Variants in CHN2 observed in about 807,000 individuals in gnomAD.
The protein encoded by CHN2 is chimerin 2.
CHN2 carries 35 observed loss-of-function variants against 56.3 expected under a neutral mutation model. The observed-to-expected ratio is 0.62, with a 90% CI of 0.47 to 0.82. CHN2 has a LOEUF of 0.82. Ranked by LOEUF, CHN2 falls within the 40% of genes least tolerant of loss-of-function variation. The probability of loss-of-function intolerance (pLI) is 0.00; values close to 1 mark genes in which losing one functional copy is unlikely to be tolerated. For missense variants in CHN2, 491 were observed against 580.5 expected (o/e 0.85, Z 1.58); for synonymous variants, 210 against 212.8 (o/e 0.99, Z 0.12).
intron 2 of CHN2, among the ~76,000 whole-genome samples, chr7:29,188,990 G>A (rs887447760): frequency 5.1e-5 from 7 of 137,022 alleles, no homozygotes; most frequent in African/African-American, 1.1e-4. Context: ...TTGCTCTGTC[G>A]CCCAAGCTGG....
At chr7:29,385,056 G>C (rs867863109) in intron 3 of CHN2, among the ~76,000 whole-genome samples, 10 of 152,116 alleles carry the variant, frequency 6.6e-5, no homozygotes, top group African/African-American at 2.4e-4. Flanking sequence ...GAGGGAGGAG[G>C]TTCCCTTATT....
chr7:29,484,009 AT>A, intron 7 of CHN2: 1 of 617,008 alleles, frequency 1.6e-6, no homozygotes, highest in Non-Finnish European at 2.8e-6. Context: ...ATCTATTATT[AT>A]CTTTTTGTGC....
chr7:29,472,401 CA>C (rs1297488102), intron 6 of CHN2, among the ~76,000 whole-genome samples: 1 of 152,022 alleles, frequency 6.6e-6, no homozygotes, highest in African/African-American at 2.4e-5. Context: ...AGCGTGAAAA[CA>C]AAGGAAAGTG....
chr7:29,325,762 G>A (rs926940518), intron 1 of CHN2, among the ~76,000 whole-genome samples: 1 of 152,088 alleles, frequency 6.6e-6, no homozygotes, highest in Admixed American at 6.5e-5. Flanking sequence ...TTCCTTCCCA[G>A]GACACTGTAC....
intron 1 of CHN2, among the ~76,000 whole-genome samples, chr7:29,332,444 C>T (rs1358508283): frequency 6.6e-5 from 10 of 152,120 alleles, no homozygotes; most frequent in African/African-American, 2.4e-4. Flanking sequence ...GATGCAAAAG[C>T]GGAATGCATT....
intron 1 of CHN2, among the ~76,000 whole-genome samples, chr7:29,325,450 G>A (rs935618272): frequency 2.0e-5 from 3 of 152,162 alleles, no homozygotes; most frequent in Non-Finnish European, 2.9e-5. Flanking sequence ...GGAATTGAGC[G>A]CTCTTTTTGA....
intron 6 of CHN2, among the ~76,000 whole-genome samples, chr7:29,468,344 G>A (rs1022600091): frequency 1.3e-5 from 2 of 152,104 alleles, no homozygotes; most frequent in Middle Eastern, 3.4e-3. Context: ...GTTAGGAGGC[G>A]GAGCTGGGTA....
intron 1 of CHN2, among the ~76,000 whole-genome samples, chr7:29,308,437 T>G (rs1446984429): frequency 1.4e-5 from 2 of 146,234 alleles, no homozygotes; most frequent in Non-Finnish European, 3.0e-5. Flanking sequence ...CACGTGTCCC[T>G]CACGTCACAG....
At chr7:29,164,798 A>G (rs1029012538) in intron 2 of CHN2, among the ~76,000 whole-genome samples, 1 of 151,662 alleles carries the variant, frequency 6.6e-6, no homozygotes, top group Admixed American at 6.6e-5. Context: ...AAAAAAAAAA[A>G]AAACAAAGAT....
intron 6 of CHN2, among the ~76,000 whole-genome samples, chr7:29,476,022 A>C (rs911040912): frequency 6.6e-6 from 1 of 152,206 alleles, no homozygotes; most frequent in Non-Finnish European, 1.5e-5. Context: ...AATGGTTAAA[A>C]TGGTAAATTT....
At position 29,458,224 on chromosome 7, in the gene CHN2, C is replaced by G. The variant is rs1374268386; in HGVS notation, c.577-22055C>G. ...GGGAGATATGTTGTATAATTGAAGC[C>G]TAGGTCCCTATTTTCAGATGGGACA... On this transcript the variant is annotated intron_variant, in intron 6 of 12. Transcript: ENST00000222792. 5.9e-5 allele frequency among the ~76,000 whole-genome samples: 9 copies of G among 152,182 alleles called. No homozygotes were observed. The East Asian group carries it at 1.7e-3, about 29-fold the overall frequency.
chr7:29,215,459 C>T (rs553286395), intron 1 of CHN2, among the ~76,000 whole-genome samples: 4 of 152,280 alleles, frequency 2.6e-5, no homozygotes, highest in African/African-American at 9.6e-5. Context: ...CTTATTTAGC[C>T]TGGAGCCAGA....
chr7:29,480,601 T>G (rs1315332707), intron 7 of CHN2, among the ~76,000 whole-genome samples: 1 of 152,216 alleles, frequency 6.6e-6, no homozygotes, highest in Non-Finnish European at 1.5e-5. Context: ...TTTGGAGAAT[T>G]GGGCCCATTG....
intron 6 of CHN2, among the ~76,000 whole-genome samples, chr7:29,456,639 C>CCAACAG (rs1329803844): frequency 7.7e-6 from 1 of 130,648 alleles, no homozygotes; most frequent in Non-Finnish European, 1.6e-5. Flanking sequence ...ACCACCAACA[C>CCAACAG]CCCTCTTCTC....
chr7:29,204,298 A>G (rs1275836795), intron 1 of CHN2, among the ~76,000 whole-genome samples: 2 of 152,206 alleles, frequency 1.3e-5, no homozygotes, highest in Non-Finnish European at 2.9e-5. Context: ...ATATAAGTTA[A>G]TATCAAGGGA....
intron 1 of CHN2, among the ~76,000 whole-genome samples, chr7:29,295,692 G>C (rs1347223307): frequency 6.6e-6 from 1 of 152,226 alleles, no homozygotes; most frequent in Non-Finnish European, 1.5e-5. Context: ...TCAAATCCCA[G>C]TGAGACTTGT....
chr7:29,257,594 A>G (rs1189152904), intron 1 of CHN2, among the ~76,000 whole-genome samples: 1 of 151,968 alleles, frequency 6.6e-6, no homozygotes, highest in Non-Finnish European at 1.5e-5. Flanking sequence ...CATCCAATCC[A>G]TTGTCTTCTT....
intron 7 of CHN2, among the ~76,000 whole-genome samples, chr7:29,492,434 T>G (rs558691917): frequency 6.6e-6 from 1 of 152,270 alleles, no homozygotes; most frequent in East Asian, 1.9e-4. Flanking sequence ...TCTGGAAAGA[T>G]CTCAACTGTT....
At chr7:29,273,384 T>TATATAC (rs199602720) in intron 1 of CHN2, among the ~76,000 whole-genome samples, 1 of 55,978 alleles carries the variant, frequency 1.8e-5, no homozygotes, top group African/African-American at 8.7e-5. Flanking sequence ...TATATATATA[T>TATATAC]ATATACACAC....
Sources: allele counts gnomAD v4.1 joint callset (sites outside exome capture counted in the v4.1 genomes callset), GRCh38; gene constraint gnomAD v4.1.1; transcripts MANE v1.5; gene names NCBI Gene and HGNC (gene_info 2026-07-23, HGNC 2026-07-21).